DEFB114: variants seen among roughly 807,000 people sequenced by gnomAD.
The protein encoded by DEFB114 is defensin beta 114, also known as beta-defensin 114.
DEFB114 carries 4 observed loss-of-function variants against 2.4 expected under a neutral mutation model. The observed-to-expected ratio is 1.67, with a 90% CI of 0.82 to 3.82. DEFB114 has a LOEUF of 3.82. Ranked by LOEUF, DEFB114 falls within the 30% of genes most tolerant of loss-of-function variation. The probability of loss-of-function intolerance (pLI) is 0.01; values close to 1 mark genes in which losing one functional copy is unlikely to be tolerated. For missense variants in DEFB114, 113 were observed against 85.8 expected (o/e 1.32, Z -1.25); for synonymous variants, 35 against 24.6 (o/e 1.42, Z -1.26).
At chr6:49,962,944 C>A (rs1183108528) in intron 1 of DEFB114, among the ~76,000 whole-genome samples, 4 of 149,996 alleles carry the variant, frequency 2.7e-5, no homozygotes, top group Non-Finnish European at 6.0e-5. Context: ...CATAATGAAT[C>A]TGAACAACAA....
chr6:49,961,751 G>A (rs866316197), intron 1 of DEFB114, among the ~76,000 whole-genome samples: 22 of 150,590 alleles, frequency 1.5e-4, no homozygotes, highest in Middle Eastern at 3.4e-3. Flanking sequence ...GAACATTTCC[G>A]GCACACTTGT....
At chr6:49,961,096 A>G (rs1773453046) in intron 1 of DEFB114, among the ~76,000 whole-genome samples, 1 of 150,812 alleles carries the variant, frequency 6.6e-6, no homozygotes, top group African/African-American at 2.4e-5. Flanking sequence ...TGTCTGTCAT[A>G]TATGTCACCA....
Position 49,960,261 on chromosome 6 carries a change from A to G in DEFB114, c.*31T>C. On this transcript the variant is annotated 3_prime_UTR_variant, in exon 2 of 2. Coordinates refer to ENST00000322066, the MANE Select transcript of DEFB114 (RefSeq NM_001037499.2). ...CACCTCTCTGCACTGGTGCACATGT[A>G]ACTTCTTTGTTCAGAGGTATGCCTT... The G allele has an allele frequency of 6.4e-7, 1 of 1,568,578 alleles. No homozygotes were observed. The highest frequency in any genetic ancestry group is 8.6e-7 in the Non-Finnish European group (1 of 1,159,676).
At chr6:49,963,683 G>A (rs1351187200) in intron 1 of DEFB114, among the ~76,000 whole-genome samples, 1 of 149,668 alleles carries the variant, frequency 6.7e-6, no homozygotes, top group Non-Finnish European at 1.5e-5. Context: ...AATATACACT[G>A]CTGTTCTCAG....
chr6:49,963,235 T>C (rs923837962), intron 1 of DEFB114, among the ~76,000 whole-genome samples: 8 of 150,194 alleles, frequency 5.3e-5, no homozygotes, highest in African/African-American at 1.9e-4. Flanking sequence ...GCAAAAAGTT[T>C]CTTGTTCACA....
In DEFB114 at chr6:49,960,521, G is replaced by A. The variant is rs1773440777; in HGVS notation, c.56-75C>T. ...TATTACTTCTGATTTCATAGAGTAT[G>A]ATGTGTACATTGTATCAAGTTTAGA... On this transcript the variant is annotated intron_variant, in intron 1 of 1. Transcript: ENST00000322066. 4 of 1,445,322 alleles carry A rather than the reference G, an allele frequency of 2.8e-6. No homozygotes were observed. The East Asian group carries it at 9.7e-5, about 35-fold the overall frequency. The allele number at this position is 1,445,322 out of a possible 1,614,324, so 89.5% of individuals were successfully genotyped here. A position where few individuals can be genotyped will look rare whatever the true frequency, so the allele number is the denominator to read the frequency against.
At chr6:49,963,749 T>C (rs1437923650) in intron 1 of DEFB114, among the ~76,000 whole-genome samples, 8 of 149,822 alleles carry the variant, frequency 5.3e-5, no homozygotes, top group Non-Finnish European at 9.0e-5. Context: ...CTGAGACTTA[T>C]AAATAAATTT....
At chr6:49,963,620 T>A (rs1773496372) in intron 1 of DEFB114, among the ~76,000 whole-genome samples, 1 of 150,116 alleles carries the variant, frequency 6.7e-6, no homozygotes, top group South Asian at 2.1e-4. Context: ...GTTCAAAATA[T>A]TTTCTAATAT....
chr6:49,963,653 C>A (rs1044828802), intron 1 of DEFB114, among the ~76,000 whole-genome samples: 4 of 149,864 alleles, frequency 2.7e-5, no homozygotes, highest in South Asian at 2.1e-4. Context: ...CTTATAGATT[C>A]TGTTATTGAT....
chr6:49,963,579 C>T (rs923875395), intron 1 of DEFB114, among the ~76,000 whole-genome samples: 1 of 149,758 alleles, frequency 6.7e-6, no homozygotes, highest in East Asian at 2.0e-4. Context: ...CTACTATGAA[C>T]TTTGATTTAT....
At chr6:49,960,848 A>C (rs1383223436) in intron 1 of DEFB114, among the ~76,000 whole-genome samples, 1 of 150,902 alleles carries the variant, frequency 6.6e-6, no homozygotes, top group Non-Finnish European at 1.5e-5. Flanking sequence ...TTTAATACTT[A>C]TATGATATAT....
At chr6:49,961,084 T>G (rs1773452898) in intron 1 of DEFB114, among the ~76,000 whole-genome samples, 1 of 150,838 alleles carries the variant, frequency 6.6e-6, no homozygotes, top group Admixed American at 6.6e-5. Context: ...GATAGTAACT[T>G]TTGTCTGTCA....
intron 1 of DEFB114, among the ~76,000 whole-genome samples, chr6:49,962,630 C>G (rs1773481304): frequency 6.7e-6 from 1 of 150,350 alleles, no homozygotes; most frequent in Non-Finnish European, 1.5e-5. Flanking sequence ...TTAAGAAATA[C>G]TACTACTTGT....
At chr6:49,961,070 T>C (rs1773452768) in intron 1 of DEFB114, among the ~76,000 whole-genome samples, 1 of 150,844 alleles carries the variant, frequency 6.6e-6, no homozygotes, top group Non-Finnish European at 1.5e-5. Flanking sequence ...AAAAATATAT[T>C]GTGGATAGTA....
rs748570141 is a variant in DEFB114, at chr6:49,964,056, A to G, written c.50T>C (p.Leu17Pro). ...AACAGAGACATCTATCTTACCTGGT[A>G]GAATGAAGGTCACATAACACAGAAA... ...LHFLCYVTFI[L>P]PATCTLVNAD... Residue 17 changes from leucine (L) to proline (P), a missense_variant, in exon 1 of 2, where the codon CTA (leucine) becomes CCA (proline). Physicochemically the swap from Leu to Pro is moderately conservative, Grantham distance 98. Transcript: ENST00000322066. 9.5e-6 allele frequency: 15 copies of G among 1,582,296 alleles called. No individual in the cohort carries two copies. Among genetic ancestry groups the G allele is most frequent in the Admixed American group, 6.9e-5 (4 of 57,600 alleles).
At position 49,964,037 on chromosome 6, in the gene DEFB114, G is replaced by T. The variant is rs772168815; in HGVS notation, c.55+14C>A. The T allele has an allele frequency of 8.4e-6, 13 of 1,541,556 alleles. No individual in the cohort carries two copies. Among genetic ancestry groups the T allele is most frequent in the Non-Finnish European group, 1.1e-5 (13 of 1,133,380 alleles). On this transcript the variant is annotated intron_variant, in intron 1 of 1. Transcript: ENST00000322066. ...AGAAGTTTTACACAAATATAACAGA[G>T]ACATCTATCTTACCTGGTAGAATGA...
rs146569485 is a variant in DEFB114 at position 49,960,260 on chromosome 6, T to C, written c.*32A>G. On this transcript the variant is annotated 3_prime_UTR_variant, in exon 2 of 2. Coordinates refer to ENST00000322066, the MANE Select transcript of DEFB114 (RefSeq NM_001037499.2). The stretch of plus-strand genomic sequence containing the variant: ...ACACCTCTCTGCACTGGTGCACATG[T>C]AACTTCTTTGTTCAGAGGTATGCCT... The C allele has an allele frequency of 4.7e-5, 74 of 1,568,448 alleles. No individual in the cohort carries two copies. Among genetic ancestry groups the C allele is most frequent in the Admixed American group, 3.0e-4 (16 of 53,082 alleles).
At chr6:49,963,982 A>C in intron 1 of DEFB114, 69 bp downstream of exon 1, 2 of 1,206,948 alleles carry the variant, frequency 1.7e-6, no homozygotes, top group Non-Finnish European at 2.4e-6. Flanking sequence ...GCATTCTACA[A>C]TTAATAATTT....
chr6:49,960,854 T>C (rs1773446990), intron 1 of DEFB114, among the ~76,000 whole-genome samples: 1 of 150,912 alleles, frequency 6.6e-6, no homozygotes, highest in Non-Finnish European at 1.5e-5. Flanking sequence ...ACTTATATGA[T>C]ATATCCTTAT....
Sources: gnomAD v4.1 joint callset for allele counts (sites outside exome capture counted in the v4.1 genomes callset) on GRCh38, gnomAD v4.1.1 for gene constraint, MANE v1.5 for transcripts, NCBI Gene and HGNC (gene_info 2026-07-23, HGNC 2026-07-21) for gene names.